Variants in SPATA17 observed in about 807,000 individuals in gnomAD.
SPATA17 encodes the protein spermatogenesis associated 17, also known as spermatogenesis-associated protein 17.
A neutral mutation model predicts 62.2 loss-of-function variants in SPATA17; 53 were observed. The ratio of observed to expected loss-of-function variants is 0.85; its 90% CI spans 0.68 to 1.07. The LOEUF (loss-of-function observed/expected upper bound fraction) is 1.07. SPATA17 is among the 50% of genes least tolerant of loss of function. The pLI is 0.00. For missense variants in SPATA17, 466 were observed against 425.5 expected (o/e 1.10, Z -0.84); for synonymous variants, 146 against 146.8 (o/e 0.99, Z 0.04).
chr1:217,727,284 A>ACT (rs1672286875), intron 5 of SPATA17, among the ~76,000 whole-genome samples: 1 of 146,926 alleles, frequency 6.8e-6, no homozygotes, highest in Non-Finnish European at 1.5e-5. Context: ...TAATAATAAT[A>ACT]ATAACAACAA....
intron 8 of SPATA17, among the ~76,000 whole-genome samples, chr1:217,791,624 A>T (rs1002067153): frequency 1.3e-5 from 2 of 152,218 alleles, no homozygotes; most frequent in Non-Finnish European, 2.9e-5. Context: ...ACAGTTTGAT[A>T]ATTTGGAATA....
At chr1:217,787,348 GT>G (rs1433305489) in intron 8 of SPATA17, among the ~76,000 whole-genome samples, 1 of 152,064 alleles carries the variant, frequency 6.6e-6, no homozygotes, top group Non-Finnish European at 1.5e-5. Context: ...CTAGGATAAA[GT>G]TTAATTTCTT....
rs967987808 is a variant in SPATA17 at position 217,871,319 on chromosome 1, A to G, written c.*4300A>G. On this transcript the variant is annotated 3_prime_UTR_variant, in exon 11 of 11. Coordinates refer to ENST00000366933, the MANE Select transcript of SPATA17 (RefSeq NM_138796.4). ...CTCTGTTTTTTCACATTTATGGCCTACCTGTTACAGCTGCACGGTATCCAT... is the reference window on the plus strand; with the variant it reads ...CTCTGTTTTTTCACATTTATGGCCTGCCTGTTACAGCTGCACGGTATCCAT... 23 of 151,924 alleles carry G rather than the reference A, an allele frequency of 1.5e-4. No individual in the cohort carries two copies. The highest frequency in any genetic ancestry group is 5.3e-4 in the African/African-American group (22 of 41,340). 9.4% of individuals were successfully genotyped at this position (151,924 alleles called of 1,614,324 possible).
intron 9 of SPATA17, among the ~76,000 whole-genome samples, chr1:217,828,623 C>T (rs1457505203): frequency 6.6e-6 from 1 of 150,538 alleles, no homozygotes; most frequent in East Asian, 1.9e-4. Context: ...TAAAAAGCTT[C>T]TGCACAGCAA....
At chr1:217,657,539 A>G (rs1670470864) in intron 3 of SPATA17, among the ~76,000 whole-genome samples, 1 of 152,190 alleles carries the variant, frequency 6.6e-6, no homozygotes, top group Non-Finnish European at 1.5e-5. Flanking sequence ...GAACCTCTGC[A>G]CTGTCACACA....
In SPATA17 at chr1:217,774,488, C is replaced by G. The variant is rs763651029; in HGVS notation, c.674C>G (p.Ser225Cys). ...TDWLACTSARSFPRSEILPPI... is the reference protein window; with the variant it reads ...TDWLACTSARCFPRSEILPPI... The stretch of plus-strand genomic sequence containing the variant: ...TGGCTAGCTTGTACAAGCGCCCGTT[C>G]TTTTCCTCGGTCTGAAATTCTACCA... Residue 225 changes from serine (S) to cysteine (C), a missense_variant, in exon 7 of 11, where the codon TCT (serine) becomes TGT (cysteine). Transcript: ENST00000366933. 7 of 1,614,078 alleles carry G rather than the reference C, an allele frequency of 4.3e-6. No individual in the cohort carries two copies. The South Asian group carries it at 6.6e-5, about 15-fold the overall frequency.
intron 5 of SPATA17, among the ~76,000 whole-genome samples, chr1:217,704,115 A>G (rs528667324): frequency 3.5e-4 from 52 of 149,110 alleles, no homozygotes; most frequent in Admixed American, 9.4e-4. Flanking sequence ...CCTTTGCTGT[A>G]TAGGCAAATT....
rs1464308303 is a variant in SPATA17, at chr1:217,778,253, G to C, written c.723+3716G>C. ...CTGGTGGGCGCGGTGGCTCACACCT[G>C]TAATCCCAGCACTTTGGGTGGATTA... On this transcript the variant is annotated intron_variant, in intron 7 of 10. Transcript: ENST00000366933. Among the ~76,000 whole-genome samples, 25 of 152,106 alleles carry C rather than the reference G, an allele frequency of 1.6e-4. 1 individual carries two copies. Among genetic ancestry groups the C allele is most frequent in the Admixed American group, 1.6e-3 (25 of 15,268 alleles).
intron 5 of SPATA17, among the ~76,000 whole-genome samples, chr1:217,727,552 A>G (rs1672296781): frequency 6.6e-6 from 1 of 152,170 alleles, no homozygotes; most frequent in Non-Finnish European, 1.5e-5. Flanking sequence ...TTTAGTACAT[A>G]AATCTTCAAT....
intron 9 of SPATA17, among the ~76,000 whole-genome samples, chr1:217,804,616 G>GA (rs142145652): frequency 6.6e-6 from 1 of 151,788 alleles, no homozygotes; most frequent in East Asian, 1.9e-4. Context: ...TATGGAATAG[G>GA]AAAAAAAATT....
chr1:217,798,301 C>G (rs1453821732), intron 8 of SPATA17, among the ~76,000 whole-genome samples: 1 of 151,970 alleles, frequency 6.6e-6, no homozygotes, highest in East Asian at 1.9e-4. Flanking sequence ...TTCATAAGAC[C>G]TTATTTGCTA....
intron 8 of SPATA17, among the ~76,000 whole-genome samples, chr1:217,799,498 G>C (rs1316272436): frequency 6.6e-6 from 1 of 152,016 alleles, no homozygotes; most frequent in African/African-American, 2.4e-5. Flanking sequence ...AGCACTGGAA[G>C]GACCATAATC....
chr1:217,785,874 G>GT (rs1455312857), intron 8 of SPATA17, among the ~76,000 whole-genome samples: 1 of 152,036 alleles, frequency 6.6e-6, no homozygotes, highest in African/African-American at 2.4e-5. Context: ...GATTACGGAA[G>GT]TTTTTTTGGA....
intron 4 of SPATA17, among the ~76,000 whole-genome samples, chr1:217,682,573 T>C (rs1671112184): frequency 6.6e-6 from 1 of 152,174 alleles, no homozygotes; most frequent in Non-Finnish European, 1.5e-5. Context: ...ATTTGATTCC[T>C]GGATTCATCC....
intron 1 of SPATA17, among the ~76,000 whole-genome samples, chr1:217,639,475 A>G (rs1274898050): frequency 6.6e-6 from 1 of 152,184 alleles, no homozygotes; most frequent in Non-Finnish European, 1.5e-5. Flanking sequence ...TGGAACAAAG[A>G]TCTCAAGATA....
Position 217,705,430 on chromosome 1 carries a change from C to CTTTTTTTTTTTTTTT in SPATA17, c.395+22083_395+22097dup, listed in dbSNP as rs58138326. Among the ~76,000 whole-genome samples, 9 of 46,628 alleles carry CTTTTTTTTTTTTTTT rather than the reference C, an allele frequency of 1.9e-4. 2 individuals are homozygous for CTTTTTTTTTTTTTTT. Among genetic ancestry groups the CTTTTTTTTTTTTTTT allele is most frequent in the African/African-American group, 6.9e-4 (8 of 11,530 alleles). 30.6% of individuals were successfully genotyped at this position (46,628 alleles called of 152,430 possible). A position where few individuals can be genotyped will look rare whatever the true frequency, so the allele number is the denominator to read the frequency against. On this transcript the variant is annotated intron_variant, in intron 5 of 10. Transcript: ENST00000366933. ...TTTATCTCAATTAGATTCTAGTTGT[C>CTTTTTTTTTTTTTTT]TTTTTTTTTTTTTTTTTTTTTTTTT...
In SPATA17 at chr1:217,870,794, G is replaced by A. The variant is rs1222845172; in HGVS notation, c.*3775G>A. ...CACCAGCTTTGCTGTAGTTAATCAG[G>A]TAATACCTTTCTTCTCCACTACTCT... On this transcript the variant is annotated 3_prime_UTR_variant, in exon 11 of 11. Transcript: ENST00000366933. 1.3e-5 allele frequency: 2 copies of A among 152,100 alleles called. No homozygotes were observed. Among genetic ancestry groups the A allele is most frequent in the African/African-American group, 4.8e-5 (2 of 41,442 alleles). 9.4% of individuals were successfully genotyped at this position (152,100 alleles called of 1,614,324 possible). A position where few individuals can be genotyped will look rare whatever the true frequency, so the allele number is the denominator to read the frequency against.
chr1:217,857,722 A>G (rs1675814234), intron 9 of SPATA17, among the ~76,000 whole-genome samples: 1 of 152,120 alleles, frequency 6.6e-6, no homozygotes, highest in South Asian at 2.1e-4. Flanking sequence ...TGGTATCTTC[A>G]CCTCTTCCTG....
chr1:217,756,951 A>G (rs1673059147), intron 6 of SPATA17, among the ~76,000 whole-genome samples: 1 of 152,248 alleles, frequency 6.6e-6, no homozygotes, highest in Non-Finnish European at 1.5e-5. Flanking sequence ...TGCCTTCGAC[A>G]TCTCATTCTT....
Sources: gnomAD v4.1 joint callset for allele counts (sites outside exome capture counted in the v4.1 genomes callset) on GRCh38, gnomAD v4.1.1 for gene constraint, MANE v1.5 for transcripts, NCBI Gene and HGNC (gene_info 2026-07-23, HGNC 2026-07-21) for gene names.